SMYD3: variants seen among roughly 807,000 people sequenced by gnomAD.
SMYD3 encodes histone-lysine N-methyltransferase SMYD3.
A neutral mutation model predicts 57.7 loss-of-function variants in SMYD3; 36 were observed. The observed-to-expected ratio is 0.62, with a 90% CI of 0.48 to 0.82. SMYD3 has a LOEUF of 0.82. Among genes scored for constraint, SMYD3 ranks in the 40% least tolerant of loss-of-function variants. The pLI is 0.00. For synonymous variants in SMYD3, 211 were observed against 195.0 expected (o/e 1.08, Z -0.68); for missense variants, 515 against 538.8 (o/e 0.96, Z 0.44).
rs1195567682 is a variant in SMYD3, at chr1:246,282,304, A to AC, written c.531+44896dup. Among the ~76,000 whole-genome samples the AC allele has an allele frequency of 4.8e-3, 359 of 74,952 alleles. 2 individuals are homozygous for AC. The highest frequency in any genetic ancestry group is 0.013 in the Middle Eastern group (2 of 156). The allele number at this position is 74,952 out of a possible 152,430, so 49.2% of individuals were successfully genotyped here. A position where few individuals can be genotyped will look rare whatever the true frequency, so the allele number is the denominator to read the frequency against. On this transcript the variant is annotated intron_variant, in intron 5 of 11. Coordinates refer to ENST00000490107, the MANE Select transcript of SMYD3 (RefSeq NM_001167740.2). ...GCAACATGGCAAGACCCTCATCTCT[A>AC]CAAAAAAAAAAAAAAAAAAAAAAAA...
At chr1:245,778,838 A>G (rs2046714991) in intron 10 of SMYD3, among the ~76,000 whole-genome samples, 1 of 152,210 alleles carries the variant, frequency 6.6e-6, no homozygotes. Context: ...CATCAAAATT[A>G]AAAACATCTA....
At chr1:246,142,793 T>C (rs929139240) in intron 5 of SMYD3, among the ~76,000 whole-genome samples, 19 of 152,340 alleles carry the variant, frequency 1.2e-4, no homozygotes, top group Non-Finnish European at 2.4e-4. Context: ...TAGAGAGTTC[T>C]CGTAAGTATA....
intron 10 of SMYD3, among the ~76,000 whole-genome samples, chr1:245,837,154 C>G (rs2050143301): frequency 6.6e-6 from 1 of 151,640 alleles, no homozygotes; most frequent in African/African-American, 2.4e-5. Flanking sequence ...TGGTGAAACC[C>G]CATCTCTACT....
chr1:246,115,006 A>C (rs1326039695), intron 5 of SMYD3, among the ~76,000 whole-genome samples: 1 of 152,238 alleles, frequency 6.6e-6, no homozygotes. Context: ...AGTCACGCTC[A>C]CAACAAGTAG....
chr1:246,346,980 A>G (rs1269807126), intron 2 of SMYD3, among the ~76,000 whole-genome samples: 4 of 152,168 alleles, frequency 2.6e-5, no homozygotes, highest in Non-Finnish European at 4.4e-5. Context: ...AGAAACAGAA[A>G]TTCTAAAAAC....
intron 7 of SMYD3, among the ~76,000 whole-genome samples, chr1:245,915,864 A>G (rs1363747867): frequency 6.6e-6 from 1 of 152,204 alleles, no homozygotes; most frequent in Non-Finnish European, 1.5e-5. Context: ...TATATGTATC[A>G]TATATTTAAA....
At chr1:246,384,116 T>C (rs1193467096) in intron 1 of SMYD3, among the ~76,000 whole-genome samples, 1 of 152,172 alleles carries the variant, frequency 6.6e-6, no homozygotes, top group African/African-American at 2.4e-5. Flanking sequence ...AGTATTTTCT[T>C]CTGGGTAAAC....
chr1:245,939,301 A>G (rs2057122237), intron 5 of SMYD3, among the ~76,000 whole-genome samples: 1 of 152,214 alleles, frequency 6.6e-6, no homozygotes, highest in Non-Finnish European at 1.5e-5. Context: ...GACCCTCTTG[A>G]CTAAGAAAGC....
intron 5 of SMYD3, among the ~76,000 whole-genome samples, chr1:246,002,716 T>G (rs2059098597): frequency 1.3e-5 from 2 of 149,620 alleles, no homozygotes; most frequent in Admixed American, 1.3e-4. Flanking sequence ...CCTCCCAAAG[T>G]GCTGGGATGA....
chr1:246,130,276 A>G (rs563387217), intron 5 of SMYD3, among the ~76,000 whole-genome samples: 7 of 152,292 alleles, frequency 4.6e-5, no homozygotes, highest in East Asian at 1.9e-4. Context: ...GGGTTGTCCA[A>G]CTTTTCATGA....
intron 1 of SMYD3, among the ~76,000 whole-genome samples, chr1:246,476,718 T>C (rs2103054511): frequency 6.6e-6 from 1 of 152,348 alleles, no homozygotes; most frequent in East Asian, 1.9e-4. Flanking sequence ...CTTGATTTGT[T>C]CAATGTCCTT....
At chr1:246,032,251 G>T (rs1361969625) in intron 5 of SMYD3, among the ~76,000 whole-genome samples, 1 of 152,088 alleles carries the variant, frequency 6.6e-6, no homozygotes, top group Non-Finnish European at 1.5e-5. Flanking sequence ...TAACCCTGTA[G>T]ATTACAGGAA....
At chr1:246,506,992 C>CCCCCCCCCCCCCCCCA in intron 1 of SMYD3, 62 bp downstream of exon 1, 1 of 859,486 alleles carries the variant, frequency 1.2e-6, no homozygotes, top group Non-Finnish European at 1.6e-6. Context: ...GCCCGACGCC[C>CCCCCCCCCCCCCCCCA]CCCCCTCCCC....
chr1:246,381,718 A>G (rs751291020), intron 1 of SMYD3, among the ~76,000 whole-genome samples: 2 of 152,226 alleles, frequency 1.3e-5, no homozygotes, highest in Non-Finnish European at 2.9e-5. Context: ...TACATATGGA[A>G]GTATTTTCAA....
intron 5 of SMYD3, among the ~76,000 whole-genome samples, chr1:246,058,473 T>C (rs919275307): frequency 4.6e-5 from 7 of 152,254 alleles, no homozygotes; most frequent in African/African-American, 1.7e-4. Flanking sequence ...CCCCATTCAG[T>C]AACCTGAAGC....
chr1:245,927,744 C>T (rs1432723177), intron 7 of SMYD3, among the ~76,000 whole-genome samples, 187 bp downstream of exon 7: 1 of 152,148 alleles, frequency 6.6e-6, no homozygotes, highest in Non-Finnish European at 1.5e-5. Context: ...AAAAAATTAG[C>T]CCATTTGTAA....
intron 10 of SMYD3, among the ~76,000 whole-genome samples, chr1:245,811,303 C>T (rs1474565017): frequency 6.6e-6 from 1 of 152,144 alleles, no homozygotes; most frequent in Admixed American, 6.5e-5. Context: ...ATACTGAATG[C>T]CCCCTTGAAG....
At chr1:246,089,716 C>T (rs2060788317) in intron 5 of SMYD3, among the ~76,000 whole-genome samples, 1 of 152,242 alleles carries the variant, frequency 6.6e-6, no homozygotes, top group South Asian at 2.1e-4. Context: ...TAGAAAACTG[C>T]CCCTTTATCT....
At chr1:246,401,229 C>T (rs950389013) in intron 1 of SMYD3, among the ~76,000 whole-genome samples, 2 of 152,200 alleles carry the variant, frequency 1.3e-5, no homozygotes, top group Non-Finnish European at 2.9e-5. Context: ...GGCATGGTGG[C>T]TCACACCTCT....
Sources: gnomAD v4.1 joint callset for allele counts (sites outside exome capture counted in the v4.1 genomes callset) on GRCh38, gnomAD v4.1.1 for gene constraint, MANE v1.5 for transcripts, NCBI Gene and HGNC (gene_info 2026-07-23, HGNC 2026-07-21) for gene names.